Variants in TAC3 observed in about 807,000 individuals in gnomAD.
TAC3 encodes tachykinin precursor 3.
In TAC3, 9 loss-of-function variants were observed where a neutral mutation model predicts 16.5. The observed-to-expected ratio is 0.55, with a 90% CI of 0.33 to 0.95. The LOEUF (loss-of-function observed/expected upper bound fraction) is 0.95, where lower values mean the gene tolerates loss of function less well. TAC3 is among the 40% of genes least tolerant of loss of function. The pLI is 0.03. For synonymous variants in TAC3, 52 were observed against 56.7 expected, an observed-to-expected ratio of 0.92 and a Z score of 0.37; for missense variants, 129 against 149.1, an observed-to-expected ratio of 0.87 and a Z score of 0.70.
intron 4 of TAC3, 192 bp downstream of exon 4, chr12:57,013,167 C>T: frequency 1.3e-6 from 1 of 765,844 alleles, no homozygotes; most frequent in Non-Finnish European, 2.2e-6. Context: ...GAGAGCCCAC[C>T]ATGCCCCTCA....
At chr12:57,014,956 G>A (rs17119327) in intron 2 of TAC3, among the ~76,000 whole-genome samples, 13,802 of 152,220 alleles carry the variant, frequency 0.091, 668 homozygotes, top group East Asian at 0.18. Context: ...TTGTACCGAT[G>A]TAATTGCTGT....
At chr12:57,012,635 T>C in intron 5 of TAC3, 183 bp from the exon 6 acceptor site, 1 of 1,613,162 alleles carries the variant, frequency 6.2e-7, no homozygotes. Flanking sequence ...TAAAGGTCTC[T>C]GCTCCTCTGT....
rs745977534 is a variant in TAC3, at chr12:57,012,423, C to T, written c.322G>A (p.Val108Ile). Reference protein sequence around the residue: ...DSPTDVNQENVPSFGILKYPP... With the variant: ...DSPTDVNQENIPSFGILKYPP... ...TACTTGAGGATGCCAAAGCTGGGGA[C>T]GTTCTCTTGATTCACATCCGTAGGA... Residue 108 changes from valine to isoleucine, a missense_variant, in exon 6 of 7, where the codon GTC (valine) becomes ATC (isoleucine). By Grantham distance (29) the Val-to-Ile change is conservative (BLOSUM62 3). Transcript: ENST00000458521. The T allele has an allele frequency of 1.7e-5, 27 of 1,613,894 alleles. No individual in the cohort carries two copies. The highest frequency in any genetic ancestry group is 4.5e-5 in the East Asian group (2 of 44,898).
rs148186554 is a variant in TAC3 at position 57,016,406 on chromosome 12, C to T, written c.-25G>A. 3.5e-4 allele frequency: 158 copies of T among 452,210 alleles called. 2 individuals are homozygous for T. In the East Asian group the frequency reaches 9.7e-3, roughly 28 times the overall value. 28.0% of individuals were successfully genotyped at this position (452,210 alleles called of 1,614,324 possible). ...GCCTACCTGTGGAGCAGCTCTGTGC[C>T]GGGGGCTGGGTGGTCTGGCAGGATC... is the stretch of plus-strand genomic sequence containing the variant. On this transcript the variant is annotated 5_prime_UTR_variant, in exon 1 of 7. Coordinates refer to ENST00000458521, the MANE Select transcript of TAC3 (RefSeq NM_013251.4).
intron 2 of TAC3, 151 bp from the exon 3 acceptor site, chr12:57,013,822 T>G: frequency 1.4e-6 from 1 of 714,362 alleles, no homozygotes; most frequent in South Asian, 1.6e-5. Context: ...GGACGAGAAG[T>G]AGGTGCTCCA....
Position 57,010,246 on chromosome 12 carries a change from A to G in TAC3, c.*44T>C. 4.4e-6 allele frequency: 2 copies of G among 454,076 alleles called. No homozygotes were observed. Among genetic ancestry groups the G allele is most frequent in the South Asian group, 3.1e-5 (2 of 64,468 alleles). The allele number at this position is 454,076 out of a possible 1,614,324, so 28.1% of individuals were successfully genotyped here. On this transcript the variant is annotated 3_prime_UTR_variant, in exon 7 of 7. Transcript: ENST00000458521. ...GCGCACCTGGGGATTGGGACAGGGA[A>G]AGAGGTCTTCCTAATGCAGTCCAGG...
intron 1 of TAC3, 90 bp downstream of exon 1, chr12:57,016,297 G>T: frequency 2.7e-6 from 1 of 365,326 alleles, no homozygotes; most frequent in South Asian, 2.0e-5. Context: ...TCCCCTATCA[G>T]AGGCTGCCAT....
At chr12:57,013,336 G>A (rs1430254440) in intron 4 of TAC3, 23 bp downstream of exon 4, 1 of 1,613,906 alleles carries the variant, frequency 6.2e-7, no homozygotes, top group South Asian at 1.1e-5. Flanking sequence ...GCAAGAGATA[G>A]GGAGGGAGAA....
intron 6 of TAC3, among the ~76,000 whole-genome samples, chr12:57,011,325 C>A (rs1280179471): frequency 1.3e-5 from 2 of 152,318 alleles, no homozygotes; most frequent in Non-Finnish European, 2.9e-5. Flanking sequence ...GCAGGAGGCT[C>A]TCCATGATTA....
intron 2 of TAC3, among the ~76,000 whole-genome samples, chr12:57,014,236 T>TC: frequency 6.6e-6 from 1 of 152,252 alleles, no homozygotes; most frequent in East Asian, 1.9e-4. Context: ...GATTTTTTTT[T>TC]TTTTTTTAGC....
rs921410085 is a variant in TAC3 at position 57,012,887 on chromosome 12, G to A, written c.239-12C>T. The A allele has an allele frequency of 6.2e-7, 1 of 1,614,080 alleles. No individual in the cohort carries two copies. On this transcript the variant is annotated splice_polypyrimidine_tract_variant and intron_variant, in intron 4 of 6. Transcript: ENST00000458521. ...GTCATGCATGTCACCTGCAGAAAAG[G>A]GCCAACATTGTCAGCAGTGATGATG...
intron 6 of TAC3, 87 bp downstream of exon 6, chr12:57,012,282 GCTTTAATAC>G: frequency 8.5e-7 from 1 of 1,183,068 alleles, no homozygotes; most frequent in Non-Finnish European, 1.2e-6. Context: ...AAATCTATGA[GCTTTAATAC>G]CTGTAGCATG....
chr12:57,012,603 C>G (rs1283799877), intron 5 of TAC3, 151 bp from the exon 6 acceptor site: 1 of 1,612,000 alleles, frequency 6.2e-7, no homozygotes, highest in East Asian at 2.2e-5. Context: ...TCCTTCCTCC[C>G]AGCTGCAACA....
chr12:57,010,133 C>T lies in TAC3; in HGVS notation c.*157G>A. The T allele has an allele frequency of 2.2e-6, 1 of 453,986 alleles. No homozygotes were observed. Among genetic ancestry groups the T allele is most frequent in the Non-Finnish European group, 4.4e-6 (1 of 226,776 alleles). The allele number at this position is 453,986 out of a possible 1,614,324, so 28.1% of individuals were successfully genotyped here. The stretch of plus-strand genomic sequence containing the variant: ...TTGGGGATATTCACTATGCAGTTTC[C>T]ACACCAGGGTCAGGTAGAAAAGATG... On this transcript the variant is annotated 3_prime_UTR_variant, in exon 7 of 7. Transcript: ENST00000458521.
chr12:57,012,224 TTG>T, intron 6 of TAC3, 152 bp downstream of exon 6: 1 of 702,660 alleles, frequency 1.4e-6, no homozygotes, highest in South Asian at 1.6e-5. Flanking sequence ...CTAAGTGTCT[TTG>T]TGTTTGGCCG....
intron 2 of TAC3, among the ~76,000 whole-genome samples, chr12:57,015,364 A>G (rs1344989968): frequency 6.6e-6 from 1 of 152,154 alleles, no homozygotes; most frequent in Non-Finnish European, 1.5e-5. Flanking sequence ...GGTAGACTAT[A>G]GAGAGCCTTA....
rs577926877 is a variant in TAC3 at position 57,015,100 on chromosome 12, A to G, written c.114+584T>C. Among the ~76,000 whole-genome samples, 135 of 152,178 alleles carry G rather than the reference A, an allele frequency of 8.9e-4. 1 individual carries two copies. Among genetic ancestry groups the G allele is most frequent in the African/African-American group, 3.2e-3 (132 of 41,488 alleles). Reference sequence around the variant, plus strand: ...GTTTTTTTGCTGTTGTTGTTTTCCTATCCTGACTAAGCAGAGGATAGAGGC... The same window carrying G: ...GTTTTTTTGCTGTTGTTGTTTTCCTGTCCTGACTAAGCAGAGGATAGAGGC... On this transcript the variant is annotated intron_variant, in intron 2 of 6. Coordinates refer to ENST00000458521, the MANE Select transcript of TAC3 (RefSeq NM_013251.4).
In TAC3 at chr12:57,010,214, G is replaced by A. The variant is rs1433116598; in HGVS notation, c.*76C>T. 1 of 454,094 alleles carries A rather than the reference G, an allele frequency of 2.2e-6. No individual in the cohort carries two copies. Among genetic ancestry groups the A allele is most frequent in the Non-Finnish European group, 4.4e-6 (1 of 226,790 alleles). 28.1% of individuals were successfully genotyped at this position (454,094 alleles called of 1,614,324 possible). A position where few individuals can be genotyped will look rare whatever the true frequency, so the allele number is the denominator to read the frequency against. ...AGAACAGGGAAGAGAAAGGGTAACAGGAGCGTGCGCACCTGGGGATTGGGA... is the reference window on the plus strand; with the variant it reads ...AGAACAGGGAAGAGAAAGGGTAACAAGAGCGTGCGCACCTGGGGATTGGGA... On this transcript the variant is annotated 3_prime_UTR_variant, in exon 7 of 7. Coordinates refer to ENST00000458521, the MANE Select transcript of TAC3 (RefSeq NM_013251.4).
rs188517459 is a variant in TAC3 at position 57,012,443 on chromosome 12, G to A, written c.302C>T (p.Thr101Met). The part of the protein sequence containing the change: ...GKRSVQPDSP[T>M]DVNQENVPSF... The stretch of plus-strand genomic sequence containing the variant: ...GGGGACGTTCTCTTGATTCACATCC[G>A]TAGGAGAGTCTAGGGTAAAGCGAAC... The change falls in exon 6 of 7, where the codon ACG becomes ATG. Residue 101 changes from threonine (T) to methionine (M), a missense_variant. Transcript: ENST00000458521. The A allele has an allele frequency of 2.9e-5, 46 of 1,613,966 alleles. No homozygotes were observed. The highest frequency in any genetic ancestry group is 6.7e-5 in the Admixed American group (4 of 59,998).
Sources: allele counts gnomAD v4.1 joint callset (sites outside exome capture counted in the v4.1 genomes callset), GRCh38; gene constraint gnomAD v4.1.1; transcripts MANE v1.5; gene names NCBI Gene and HGNC (gene_info 2026-07-23, HGNC 2026-07-21).